OR52N2: variants seen among roughly 807,000 people sequenced by gnomAD.
The protein encoded by OR52N2 is olfactory receptor 52N2.
For missense variants in OR52N2, 326 were observed against 196.6 expected (o/e 1.66, Z -3.94); for synonymous variants, 129 against 72.0 (o/e 1.79, Z -4.01).
At chr11:5,812,114 A>C (rs1846366386) in intron 1 of OR52N2, among the ~76,000 whole-genome samples, 1 of 152,108 alleles carries the variant, frequency 6.6e-6, no homozygotes, top group South Asian at 2.1e-4. Flanking sequence ...GGATGGGTCA[A>C]TAGGTACAGC....
At chr11:5,812,165 A>ATGCACG (rs1846366944) in intron 1 of OR52N2, among the ~76,000 whole-genome samples, 1 of 151,720 alleles carries the variant, frequency 6.6e-6, no homozygotes, top group South Asian at 2.1e-4. Context: ...ACAAACCTGC[A>ATGCACG]CATTCTGCAC....
intron 1 of OR52N2, among the ~76,000 whole-genome samples, chr11:5,816,369 C>T (rs997513637): frequency 2.6e-5 from 4 of 152,076 alleles, no homozygotes; most frequent in Non-Finnish European, 4.4e-5. Flanking sequence ...AAGAATGAAT[C>T]GGGCATGTCA....
At chr11:5,813,177 A>T (rs1838665785) in intron 1 of OR52N2, among the ~76,000 whole-genome samples, 1 of 145,022 alleles carries the variant, frequency 6.9e-6, no homozygotes, top group African/African-American at 2.5e-5. Flanking sequence ...AGCTTAACCC[A>T]TGTAATTAGA....
At chr11:5,812,333 A>G (rs964142480) in intron 1 of OR52N2, among the ~76,000 whole-genome samples, 1 of 150,216 alleles carries the variant, frequency 6.7e-6, no homozygotes, top group African/African-American at 2.5e-5. Flanking sequence ...TATCTACTAA[A>G]AAATACAAAA....
chr11:5,820,010 G>A (rs916879221), intron 1 of OR52N2, among the ~76,000 whole-genome samples: 7 of 152,188 alleles, frequency 4.6e-5, no homozygotes, highest in Non-Finnish European at 7.3e-5. Flanking sequence ...CTCACAATTT[G>A]TTATCAGAAT....
At chr11:5,812,618 A>G (rs1846373095) in intron 1 of OR52N2, among the ~76,000 whole-genome samples, 1 of 152,064 alleles carries the variant, frequency 6.6e-6, no homozygotes. Context: ...TATGTCTGTA[A>G]TATCACAGCA....
In OR52N2 at chr11:5,820,296, C is replaced by T. The variant is rs778797772; in HGVS notation, c.-40C>T. Reference sequence around the variant, plus strand: ...CCCTCTCCTAGGCAGAAAGCAATGGCTGCTAAAGAGTATAAAATGCTCTCC... The same window carrying T: ...CCCTCTCCTAGGCAGAAAGCAATGGTTGCTAAAGAGTATAAAATGCTCTCC... On this transcript the variant is annotated 5_prime_UTR_variant, in exon 2 of 2. Coordinates refer to ENST00000317037, the MANE Select transcript of OR52N2 (RefSeq NM_001005174.3). The T allele has an allele frequency of 2.5e-5, 19 of 770,624 alleles. No homozygotes were observed. The South Asian group carries it at 2.6e-4, about 11-fold the overall frequency. 47.7% of individuals were successfully genotyped at this position (770,624 alleles called of 1,614,324 possible). A position where few individuals can be genotyped will look rare whatever the true frequency, so the allele number is the denominator to read the frequency against.
intron 1 of OR52N2, among the ~76,000 whole-genome samples, chr11:5,819,232 A>T (rs1846427394): frequency 6.6e-6 from 1 of 152,196 alleles, no homozygotes; most frequent in African/African-American, 2.4e-5. Context: ...TTGAATAATT[A>T]GGACACTTCA....
At chr11:5,811,440 G>A (rs539891190) in intron 1 of OR52N2, among the ~76,000 whole-genome samples, 10 of 152,202 alleles carry the variant, frequency 6.6e-5, no homozygotes, top group African/African-American at 2.4e-4. Context: ...AAAATATCAG[G>A]GAGAGTTGAG....
At chr11:5,815,766 T>C (rs2134242091) in intron 1 of OR52N2, among the ~76,000 whole-genome samples, 1 of 152,228 alleles carries the variant, frequency 6.6e-6, no homozygotes, top group East Asian at 1.9e-4. Flanking sequence ...GTTGAAGAGG[T>C]GTCTGCAGTC....
chr11:5,809,653 A>G (rs975656048), intron 1 of OR52N2, among the ~76,000 whole-genome samples: 3 of 152,100 alleles, frequency 2.0e-5, no homozygotes, highest in African/African-American at 7.2e-5. Context: ...GTCTTTCAAA[A>G]AAAAAAAAAA....
intron 1 of OR52N2, 108 bp from the exon 2 acceptor site, chr11:5,820,174 A>G (rs57482916): frequency 0.53 from 341,289 of 649,712 alleles, 90,813 homozygotes; most frequent in Non-Finnish European, 0.56. Context: ...GTTGGAAGAA[A>G]GAATTTCTGG....
At chr11:5,816,751 C>A (rs1590367043) in intron 1 of OR52N2, among the ~76,000 whole-genome samples, 1 of 151,990 alleles carries the variant, frequency 6.6e-6, no homozygotes, top group Non-Finnish European at 1.5e-5. Context: ...ATTGTCCAGG[C>A]AGGTCTCAAA....
At chr11:5,812,512 A>G (rs12792985) in intron 1 of OR52N2, among the ~76,000 whole-genome samples, 15,333 of 148,950 alleles carry the variant, frequency 0.1, 1,041 homozygotes, top group East Asian at 0.24. Flanking sequence ...AAAAAAAAAA[A>G]GAAATGAGGA....
Position 5,820,752 on chromosome 11 carries a change from C to A in OR52N2, c.417C>A (p.Thr139=), listed in dbSNP as rs1294364012. The A allele has an allele frequency of 1.3e-6, 1 of 775,182 alleles. No individual in the cohort carries two copies. The highest frequency in any genetic ancestry group is 1.7e-5 in the Admixed American group (1 of 58,420). 48.0% of individuals were successfully genotyped at this position (775,182 alleles called of 1,614,324 possible). A position where few individuals can be genotyped will look rare whatever the true frequency, so the allele number is the denominator to read the frequency against. Residue 139 remains threonine, a synonymous_variant, in exon 2 of 2, where the codon ACC becomes ACA. Coordinates refer to ENST00000317037, the MANE Select transcript of OR52N2 (RefSeq NM_001005174.3). ...CCTTACGCTATGCCACCATCCTTAC[C>A]AACCCTGTCATCGCCAAGGCTGGTC... ...CYPLRYATIL[T]NPVIAKAGLA...
At chr11:5,813,837 T>C (rs1200519844) in intron 1 of OR52N2, among the ~76,000 whole-genome samples, 1 of 152,130 alleles carries the variant, frequency 6.6e-6, no homozygotes, top group Non-Finnish European at 1.5e-5. Flanking sequence ...CACTTGGGCT[T>C]TATCACCGGA....
At chr11:5,818,720 G>A (rs929557231) in intron 1 of OR52N2, among the ~76,000 whole-genome samples, 1 of 151,984 alleles carries the variant, frequency 6.6e-6, no homozygotes, top group Admixed American at 6.6e-5. Context: ...TTTCTGGGTG[G>A]CTTCCACTGG....
chr11:5,813,967 C>A (rs968036493), intron 1 of OR52N2, among the ~76,000 whole-genome samples: 2 of 152,134 alleles, frequency 1.3e-5, no homozygotes, highest in African/African-American at 4.8e-5. Context: ...CACAATTCAA[C>A]CTCCTTTCAT....
chr11:5,820,532 C>T lies in OR52N2; in HGVS notation c.197C>T (p.Ala66Val), dbSNP rs149599871. 410 of 778,736 alleles carry T rather than the reference C, an allele frequency of 5.3e-4. No individual in the cohort carries two copies. Among genetic ancestry groups the T allele is most frequent in the Non-Finnish European group, 7.8e-4 (326 of 416,944 alleles). The allele number at this position is 778,736 out of a possible 1,614,324, so 48.2% of individuals were successfully genotyped here. The change falls in exon 2 of 2, where the codon GCC becomes GTC. Residue 66 changes from alanine to valine, a missense_variant. By Grantham distance (64) the Ala-to-Val change is moderately conservative. Coordinates refer to ENST00000317037, the MANE Select transcript of OR52N2 (RefSeq NM_001005174.3). ...ALHRPMYYFLALLSFTDVTLC... is the reference protein window; with the variant it reads ...ALHRPMYYFLVLLSFTDVTLC... ...CACCGGCCCATGTACTACTTCCTGGCCCTGCTCTCCTTCACTGATGTCACC... is the reference window on the plus strand; with the variant it reads ...CACCGGCCCATGTACTACTTCCTGGTCCTGCTCTCCTTCACTGATGTCACC...
Sources: gnomAD v4.1 joint callset for allele counts (sites outside exome capture counted in the v4.1 genomes callset) on GRCh38, gnomAD v4.1.1 for gene constraint, MANE v1.5 for transcripts, NCBI Gene and HGNC (gene_info 2026-07-23, HGNC 2026-07-21) for gene names.